GRM5: variants seen among roughly 807,000 people sequenced by gnomAD.
The protein encoded by GRM5 is glutamate metabotropic receptor 5.
A neutral mutation model predicts 83.1 loss-of-function variants in GRM5; 19 were observed. The ratio of observed to expected loss-of-function variants is 0.23; its 90% CI spans 0.16 to 0.34. The LOEUF (loss-of-function observed/expected upper bound fraction) is 0.34. Among genes scored for constraint, GRM5 ranks in the 10% least tolerant of loss-of-function variants. GRM5 has a pLI of 1.00. For missense variants in GRM5, 1,160 were observed against 1,588.3 expected, an observed-to-expected ratio of 0.73 and a Z score of 4.58; for synonymous variants, 675 against 633.6, an observed-to-expected ratio of 1.07 and a Z score of -0.98.
chr11:88,855,927 A>G (rs1944467458), intron 2 of GRM5, among the ~76,000 whole-genome samples: 1 of 151,936 alleles, frequency 6.6e-6, no homozygotes, highest in African/African-American at 2.4e-5. Flanking sequence ...GGCAAAAAAA[A>G]TTTTGGAAGA....
intron 3 of GRM5, among the ~76,000 whole-genome samples, chr11:88,849,639 C>A (rs752819477): frequency 2.0e-5 from 3 of 152,080 alleles, no homozygotes; most frequent in Non-Finnish European, 4.4e-5. Context: ...TATAAAAATC[C>A]ATTTCATTAC....
Position 88,705,078 on chromosome 11 carries a change from C to G in GRM5, c.912-51675G>C, listed in dbSNP as rs887237817. Among the ~76,000 whole-genome samples, 14 of 152,094 alleles carry G rather than the reference C, an allele frequency of 9.2e-5. No homozygotes were observed. In the East Asian group the frequency reaches 2.7e-3, roughly 29 times the overall value. On this transcript the variant is annotated intron_variant, in intron 3 of 9. Transcript: ENST00000305447. The stretch of plus-strand genomic sequence containing the variant: ...AATCTTGTTACAAGTGTGTAAGAAA[C>G]TACATATGTTATAGGTAAGACAGTT...
intron 2 of GRM5, among the ~76,000 whole-genome samples, chr11:88,913,583 C>T (rs1480872259): frequency 8.1e-6 from 1 of 122,868 alleles, no homozygotes; most frequent in South Asian, 2.8e-4. Flanking sequence ...CCTTCTCTCT[C>T]TCTCTTTTTT....
At chr11:89,008,002 T>C (rs1267135527) in intron 2 of GRM5, among the ~76,000 whole-genome samples, 1 of 152,200 alleles carries the variant, frequency 6.6e-6, no homozygotes, top group Non-Finnish European at 1.5e-5. Flanking sequence ...TACTTAAAAT[T>C]TGAATTCCAA....
intron 1 of GRM5, among the ~76,000 whole-genome samples, chr11:89,058,750 AG>A (rs879698694): frequency 6.6e-6 from 1 of 152,238 alleles, no homozygotes; most frequent in Admixed American, 6.5e-5. Context: ...CATAGTTCTA[AG>A]TATCACAAAT....
intron 9 of GRM5, among the ~76,000 whole-genome samples, chr11:88,514,606 T>G (rs1445368326): frequency 2.6e-5 from 4 of 152,206 alleles, no homozygotes; most frequent in African/African-American, 9.6e-5. Flanking sequence ...AATACAGTGT[T>G]AAGGTATTCA....
intron 2 of GRM5, among the ~76,000 whole-genome samples, chr11:88,893,796 A>G (rs1945185991): frequency 6.6e-6 from 1 of 151,972 alleles, no homozygotes; most frequent in Non-Finnish European, 1.5e-5. Flanking sequence ...GTCCCTTTTC[A>G]GCAGGAAGTA....
intron 4 of GRM5, among the ~76,000 whole-genome samples, chr11:88,651,752 T>C (rs774049502): frequency 3.3e-5 from 5 of 152,086 alleles, no homozygotes; most frequent in Non-Finnish European, 7.4e-5. Context: ...ATTTCATTGA[T>C]GGGTGTATTA....
chr11:88,801,394 C>T (rs1364887532), intron 3 of GRM5, among the ~76,000 whole-genome samples: 1 of 152,112 alleles, frequency 6.6e-6, no homozygotes, highest in East Asian at 1.9e-4. Context: ...GAGGCACCCT[C>T]AAAGGTAATT....
intron 4 of GRM5, among the ~76,000 whole-genome samples, chr11:88,649,823 C>G (rs978964689): frequency 6.6e-6 from 1 of 151,552 alleles, no homozygotes; most frequent in Non-Finnish European, 1.5e-5. Flanking sequence ...GAAATTTCCT[C>G]GGGCTGAAAG....
At chr11:88,694,442 C>T (rs1018823297) in intron 3 of GRM5, among the ~76,000 whole-genome samples, 2 of 151,888 alleles carry the variant, frequency 1.3e-5, no homozygotes, top group African/African-American at 2.4e-5. Context: ...AAGGATGTGA[C>T]AAAGTGTAAG....
intron 2 of GRM5, among the ~76,000 whole-genome samples, chr11:88,856,926 CTGAT>C (rs1407099512): frequency 1.3e-5 from 2 of 152,056 alleles, no homozygotes; most frequent in African/African-American, 2.4e-5. Flanking sequence ...ACAACAAAGA[CTGAT>C]TGTGTAACAC....
chr11:88,993,227 C>A (rs1940050222), intron 2 of GRM5, among the ~76,000 whole-genome samples: 1 of 137,030 alleles, frequency 7.3e-6, no homozygotes. Flanking sequence ...GATTGTGCCA[C>A]TGCACTCCAG....
At chr11:88,855,453 T>C (rs2135545934) in intron 2 of GRM5, among the ~76,000 whole-genome samples, 1 of 152,014 alleles carries the variant, frequency 6.6e-6, no homozygotes, top group African/African-American at 2.4e-5. Flanking sequence ...GGAGACTACA[T>C]CTTCTCCATA....
chr11:88,747,529 C>T (rs1272932254), intron 3 of GRM5, among the ~76,000 whole-genome samples: 2 of 152,084 alleles, frequency 1.3e-5, no homozygotes, highest in Non-Finnish European at 2.9e-5. Context: ...ATGATAGATA[C>T]ACACAGTAAA....
At chr11:88,966,703 C>T (rs186769610) in intron 2 of GRM5, among the ~76,000 whole-genome samples, 37 of 152,210 alleles carry the variant, frequency 2.4e-4, no homozygotes, top group Non-Finnish European at 4.7e-4. Flanking sequence ...TACTCATAAC[C>T]TCAAGTTCAT....
chr11:88,681,110 A>C (rs1286666477), intron 3 of GRM5, among the ~76,000 whole-genome samples: 1 of 150,386 alleles, frequency 6.6e-6, no homozygotes, highest in East Asian at 1.9e-4. Flanking sequence ...AACTCTTGTC[A>C]GTATTTCAAT....
chr11:89,001,442 G>C (rs1940375057), intron 2 of GRM5, among the ~76,000 whole-genome samples: 1 of 152,022 alleles, frequency 6.6e-6, no homozygotes, highest in African/African-American at 2.4e-5. Context: ...AAGTGAAAAA[G>C]CCAAACCCGG....
At chr11:88,816,273 G>A (rs1373401293) in intron 3 of GRM5, among the ~76,000 whole-genome samples, 1 of 147,508 alleles carries the variant, frequency 6.8e-6, no homozygotes, top group African/African-American at 2.5e-5. Context: ...GGGTGCAGTG[G>A]CTCATGCCTG....
Sources: allele counts gnomAD v4.1 joint callset (sites outside exome capture counted in the v4.1 genomes callset), GRCh38; gene constraint gnomAD v4.1.1; transcripts MANE v1.5; gene names NCBI Gene and HGNC (gene_info 2026-07-23, HGNC 2026-07-21).